The following NOVA1 variants were observed in gnomAD, a reference collection of about 807,000 sequenced individuals.
NOVA1 encodes NOVA alternative splicing regulator 1.
Under a neutral mutation model 38.0 loss-of-function variants are expected in NOVA1, and 7 were observed. The observed-to-expected ratio is 0.18, with a 90% CI of 0.10 to 0.35. The LOEUF is 0.35. NOVA1 is among the 10% of genes least tolerant of loss of function. The probability of loss-of-function intolerance (pLI) is 1.00; values close to 1 mark genes in which losing one functional copy is unlikely to be tolerated. For synonymous variants in NOVA1, 270 were observed against 232.5 expected (o/e 1.16, Z -1.47); for missense variants, 460 against 616.0 (o/e 0.75, Z 2.68).
intron 2 of NOVA1, among the ~76,000 whole-genome samples, chr14:26,501,381 G>A (rs973825046): frequency 2.0e-5 from 3 of 151,790 alleles, no homozygotes; most frequent in Admixed American, 6.6e-5. Context: ...ATGTGGATTC[G>A]ACTGCCTATG....
chr14:26,531,656 G>C (rs1889724434), intron 2 of NOVA1, among the ~76,000 whole-genome samples: 1 of 152,102 alleles, frequency 6.6e-6, no homozygotes, highest in Non-Finnish European at 1.5e-5. Flanking sequence ...TCTGACATTT[G>C]CAAGCATTTC....
At chr14:26,550,118 AC>A in intron 2 of NOVA1, among the ~76,000 whole-genome samples, 1 of 152,292 alleles carries the variant, frequency 6.6e-6, no homozygotes, top group East Asian at 1.9e-4. Context: ...AAACCCAAAT[AC>A]TTATATTGAT....
At chr14:26,587,865 T>TC (rs1170917176) in intron 2 of NOVA1, among the ~76,000 whole-genome samples, 1 of 151,010 alleles carries the variant, frequency 6.6e-6, no homozygotes, top group East Asian at 1.9e-4. Context: ...ATTCTGCCCT[T>TC]CCCCCCTAGA....
chr14:26,569,532 C>T (rs935493489), intron 2 of NOVA1, among the ~76,000 whole-genome samples: 1 of 152,098 alleles, frequency 6.6e-6, no homozygotes. Context: ...GTGAATGATA[C>T]GTTAAGAAAA....
chr14:26,534,052 G>T (rs1348481600), intron 2 of NOVA1, among the ~76,000 whole-genome samples: 1 of 152,142 alleles, frequency 6.6e-6, no homozygotes, highest in Non-Finnish European at 1.5e-5. Context: ...AGGAAAAATA[G>T]AATGTCTTTA....
In NOVA1 at chr14:26,545,945, A is replaced by T. The variant is rs904268119; in HGVS notation, c.280+49465T>A. On this transcript the variant is annotated intron_variant, in intron 2 of 4. Coordinates refer to ENST00000539517, the MANE Select transcript of NOVA1 (RefSeq NM_002515.3). The stretch of plus-strand genomic sequence containing the variant: ...TAAAGATAATGAGGTTTCTGGCATC[A>T]GTAGTCTTTTACGCAAACTTATACA... Among the ~76,000 whole-genome samples the T allele has an allele frequency of 7.9e-5, 12 of 151,800 alleles. 1 individual carries two copies. Among genetic ancestry groups the T allele is most frequent in the Admixed American group, 7.9e-4 (12 of 15,274 alleles).
intron 4 of NOVA1, among the ~76,000 whole-genome samples, chr14:26,461,176 A>G (rs1883632863): frequency 6.6e-6 from 1 of 152,194 alleles, no homozygotes; most frequent in Admixed American, 6.5e-5. Context: ...ACAGGATTCT[A>G]TGCATTTTAC....
Position 26,446,151 on chromosome 14 carries a change from A to G in NOVA1, c.*1808T>C, listed in dbSNP as rs1594304380. On this transcript the variant is annotated 3_prime_UTR_variant, in exon 5 of 5. Transcript: ENST00000539517. ...CTAAATGAAATAACAGTCCAATGTTAAAAACTAAAAAAAAAAAAATGAGTC... is the reference window on the plus strand; with the variant it reads ...CTAAATGAAATAACAGTCCAATGTTGAAAACTAAAAAAAAAAAAATGAGTC... 9.5e-6 allele frequency: 1 copy of G among 105,196 alleles called. No homozygotes were observed. Among genetic ancestry groups the G allele is most frequent in the Non-Finnish European group, 2.5e-5 (1 of 40,616 alleles). 6.5% of individuals were successfully genotyped at this position (105,196 alleles called of 1,614,324 possible).
rs1238567377 is a variant in NOVA1, at chr14:26,563,506, A to G, written c.280+31904T>C. ...AAAAGAGAAGGAAAATAAGAAAATC[A>G]GAAGACAAATCCAGATCAACATAGC... On this transcript the variant is annotated intron_variant, in intron 2 of 4. Transcript: ENST00000539517. Among the ~76,000 whole-genome samples the G allele has an allele frequency of 2.0e-5, 3 of 152,066 alleles. No individual in the cohort carries two copies. In the East Asian group the frequency reaches 5.8e-4, roughly 29 times the overall value.
chr14:26,470,829 T>C (rs1884530206), intron 4 of NOVA1, among the ~76,000 whole-genome samples: 1 of 152,092 alleles, frequency 6.6e-6, no homozygotes, highest in Admixed American at 6.6e-5. Context: ...GTTTTATTTG[T>C]ATTGTGGTTG....
rs556533371 is a variant in NOVA1 at position 26,543,924 on chromosome 14, G to C, written c.280+51486C>G. ...TAAAAACTATAAACATATACTGAGG[G>C]AAGGCAGCTTATAGATTGATTGAGA... On this transcript the variant is annotated intron_variant, in intron 2 of 4. Coordinates refer to ENST00000539517, the MANE Select transcript of NOVA1 (RefSeq NM_002515.3). 3.3e-5 allele frequency among the ~76,000 whole-genome samples: 5 copies of C among 151,610 alleles called. No homozygotes were observed. The South Asian group carries it at 1.0e-3, about 32-fold the overall frequency.
chr14:26,574,217 G>C (rs941187041), intron 2 of NOVA1, among the ~76,000 whole-genome samples: 1 of 145,306 alleles, frequency 6.9e-6, no homozygotes, highest in Non-Finnish European at 1.5e-5. Flanking sequence ...GTAGAGACGG[G>C]GTTTCACCAT....
chr14:26,580,386 C>T (rs951265897), intron 2 of NOVA1, among the ~76,000 whole-genome samples: 3 of 151,920 alleles, frequency 2.0e-5, no homozygotes, highest in African/African-American at 7.3e-5. Flanking sequence ...CAAATAAATC[C>T]ATATGTTTCA....
At chr14:26,526,196 A>G (rs1250875272) in intron 2 of NOVA1, among the ~76,000 whole-genome samples, 1 of 152,162 alleles carries the variant, frequency 6.6e-6, no homozygotes, top group Non-Finnish European at 1.5e-5. Context: ...ATATTAAGTA[A>G]ACATAACTTA....
In NOVA1 at chr14:26,447,240, T is replaced by C. The variant is rs1284946678; in HGVS notation, c.*719A>G. The C allele has an allele frequency of 6.5e-6, 1 of 152,704 alleles. No homozygotes were observed. Among genetic ancestry groups the C allele is most frequent in the Non-Finnish European group, 1.5e-5 (1 of 68,100 alleles). The allele number at this position is 152,704 out of a possible 1,614,324, so 9.5% of individuals were successfully genotyped here. On this transcript the variant is annotated 3_prime_UTR_variant, in exon 5 of 5. Coordinates refer to ENST00000539517, the MANE Select transcript of NOVA1 (RefSeq NM_002515.3). ...TGAATTCAGTGCTTAAAAACAAATG[T>C]ACAAACCTCTGAAGAGGTGGGACTC...
intron 2 of NOVA1, among the ~76,000 whole-genome samples, chr14:26,574,579 G>A (rs1020719072): frequency 4.0e-5 from 6 of 151,834 alleles, no homozygotes; most frequent in Non-Finnish European, 5.9e-5. Flanking sequence ...AAATAGAGGG[G>A]CATAAATGAG....
intron 2 of NOVA1, among the ~76,000 whole-genome samples, chr14:26,506,290 T>G (rs1887632822): frequency 6.6e-6 from 1 of 152,314 alleles, no homozygotes; most frequent in East Asian, 1.9e-4. Context: ...TAGGTAATCT[T>G]CCAGGGCGTA....
intron 2 of NOVA1, among the ~76,000 whole-genome samples, chr14:26,576,482 T>C (rs1162242752): frequency 1.3e-5 from 2 of 151,872 alleles, no homozygotes; most frequent in Admixed American, 6.6e-5. Context: ...ACCATTTTGA[T>C]AATACATTTT....
intron 4 of NOVA1, among the ~76,000 whole-genome samples, chr14:26,459,519 T>C (rs1027615215): frequency 2.0e-5 from 3 of 152,104 alleles, no homozygotes; most frequent in African/African-American, 7.2e-5. Flanking sequence ...ATTAAGCAAA[T>C]GACTGTAAAA....
Sources: gnomAD v4.1 joint callset for allele counts (sites outside exome capture counted in the v4.1 genomes callset) on GRCh38, gnomAD v4.1.1 for gene constraint, MANE v1.5 for transcripts, NCBI Gene and HGNC (gene_info 2026-07-23, HGNC 2026-07-21) for gene names.